ADAMTSL1: variants seen among roughly 807,000 people sequenced by gnomAD.
ADAMTSL1 encodes the protein ADAMTS like 1.
Under a neutral mutation model 201.8 loss-of-function variants are expected in ADAMTSL1, and 126 were observed. The observed-to-expected ratio is 0.62, with a 90% CI of 0.54 to 0.72. The LOEUF is 0.72. Among genes scored for constraint, ADAMTSL1 ranks in the 30% least tolerant of loss-of-function variants. ADAMTSL1 has a pLI of 0.00. For synonymous variants in ADAMTSL1, 1,121 were observed against 903.4 expected, an observed-to-expected ratio of 1.24 and a Z score of -4.32; for missense variants, 2,679 against 2,277.8, an observed-to-expected ratio of 1.18 and a Z score of -3.59.
chr9:18,843,143 A>T (rs1317952664), intron 23 of ADAMTSL1, among the ~76,000 whole-genome samples: 1 of 150,710 alleles, frequency 6.6e-6, no homozygotes, highest in Non-Finnish European at 1.5e-5. Flanking sequence ...TGGTCTTTAC[A>T]ATTTGGCATG....
intron 2 of ADAMTSL1, among the ~76,000 whole-genome samples, chr9:18,351,206 G>C (rs1835948924): frequency 6.6e-6 from 1 of 150,920 alleles, no homozygotes. Flanking sequence ...TTTAAAGCAG[G>C]TCAGGTTCCT....
At chr9:18,301,464 A>G (rs137994192) in intron 2 of ADAMTSL1, among the ~76,000 whole-genome samples, 9 of 152,262 alleles carry the variant, frequency 5.9e-5, no homozygotes, top group Admixed American at 3.9e-4. Flanking sequence ...TTTATATACT[A>G]TATGTTTTCC....
At chr9:17,980,618 T>G (rs1818650821) in intron 1 of ADAMTSL1, among the ~76,000 whole-genome samples, 2 of 151,906 alleles carry the variant, frequency 1.3e-5, no homozygotes, top group South Asian at 4.2e-4. Context: ...GAGGTGGGGT[T>G]TTTGGGGGGC....
chr9:17,964,470 G>A (rs1817893693), intron 1 of ADAMTSL1, among the ~76,000 whole-genome samples: 1 of 152,100 alleles, frequency 6.6e-6, no homozygotes, highest in Admixed American at 6.6e-5. Context: ...GTCAGGAGGG[G>A]GCAACGCAAG....
intron 8 of ADAMTSL1, among the ~76,000 whole-genome samples, chr9:18,658,394 A>G (rs998935708): frequency 5.3e-5 from 8 of 152,206 alleles, no homozygotes; most frequent in African/African-American, 1.9e-4. Flanking sequence ...TAAACTACTC[A>G]TGTGGTTGAA....
At chr9:18,618,338 G>A (rs566082247) in intron 4 of ADAMTSL1, among the ~76,000 whole-genome samples, 25 of 152,150 alleles carry the variant, frequency 1.6e-4, no homozygotes, top group South Asian at 8.3e-4. Context: ...GAAACTATTA[G>A]CAAACCATTA....
chr9:18,287,359 A>ATATATACACATACATG (rs1563859546), intron 2 of ADAMTSL1, among the ~76,000 whole-genome samples: 9 of 151,956 alleles, frequency 5.9e-5, no homozygotes, highest in African/African-American at 2.2e-4. Context: ...ACACATACAT[A>ATATATACACATACATG]CATATACACA....
intron 2 of ADAMTSL1, among the ~76,000 whole-genome samples, chr9:18,409,939 T>C (rs904646087): frequency 3.3e-5 from 5 of 151,472 alleles, no homozygotes; most frequent in African/African-American, 1.2e-4. Flanking sequence ...CTCTTCAAAC[T>C]ATACAGCTAG....
Position 18,777,836 on chromosome 9 carries a change from G to A in ADAMTSL1, c.3607G>A (p.Glu1203Lys). ...GACACTGAGTGTTCTTCTGCACTGT[G>A]AGGCCATCGGCCACCCAAGGCCTAC... ...SGTLSVLLHC[E>K]AIGHPRPTIS... Residue 1203 changes from glutamate (E) to lysine (K), a missense_variant, in exon 19 of 29, where the codon GAG (glutamate) becomes AAG (lysine). Glu to Lys is a moderately conservative substitution (Grantham distance 56). Transcript: ENST00000380548. 1 of 1,605,742 alleles carries A rather than the reference G, an allele frequency of 6.2e-7. No individual in the cohort carries two copies. The highest frequency in any genetic ancestry group is 8.5e-7 in the Non-Finnish European group (1 of 1,173,858).
At chr9:18,632,915 C>G (rs1271986419) in intron 5 of ADAMTSL1, among the ~76,000 whole-genome samples, 1 of 152,182 alleles carries the variant, frequency 6.6e-6, no homozygotes, top group Non-Finnish European at 1.5e-5. Flanking sequence ...TCCATATACC[C>G]TCTTCCTCAA....
chr9:17,941,590 C>G (rs891431297), intron 1 of ADAMTSL1, among the ~76,000 whole-genome samples: 2 of 152,208 alleles, frequency 1.3e-5, no homozygotes, highest in East Asian at 1.9e-4. Context: ...GTCCTACTAT[C>G]AAATGTCTGT....
intron 4 of ADAMTSL1, among the ~76,000 whole-genome samples, chr9:18,589,934 G>T (rs1215249066): frequency 1.3e-5 from 2 of 152,076 alleles, no homozygotes; most frequent in African/African-American, 4.8e-5. Flanking sequence ...CATGGTGAAT[G>T]GTCTTTTTAA....
intron 1 of ADAMTSL1, among the ~76,000 whole-genome samples, chr9:18,099,270 T>C (rs1388747032): frequency 5.5e-5 from 8 of 145,368 alleles, no homozygotes; most frequent in African/African-American, 2.0e-4. Flanking sequence ...CTGATTAGAA[T>C]CTCATTTTCT....
At chr9:18,834,118 C>G (rs767730837) in intron 23 of ADAMTSL1, among the ~76,000 whole-genome samples, 1 of 152,024 alleles carries the variant, frequency 6.6e-6, no homozygotes. Flanking sequence ...AGTTGGGTAG[C>G]GTGATGCCTC....
At chr9:18,408,293 A>C (rs1248611570) in intron 2 of ADAMTSL1, among the ~76,000 whole-genome samples, 3 of 152,116 alleles carry the variant, frequency 2.0e-5, no homozygotes, top group African/African-American at 7.2e-5. Context: ...ACATGGTGAA[A>C]CACTGTCTCT....
intron 2 of ADAMTSL1, among the ~76,000 whole-genome samples, chr9:18,272,209 C>T (rs1426652664): frequency 6.6e-6 from 1 of 152,110 alleles, no homozygotes; most frequent in Non-Finnish European, 1.5e-5. Flanking sequence ...TCAAGCTATA[C>T]TACAAGGCTA....
chr9:18,269,073 T>G (rs906735240), intron 2 of ADAMTSL1, among the ~76,000 whole-genome samples: 9 of 152,092 alleles, frequency 5.9e-5, no homozygotes, highest in Non-Finnish European at 1.3e-4. Context: ...TAGTATAAAA[T>G]AAGAAGAAAA....
intron 2 of ADAMTSL1, among the ~76,000 whole-genome samples, chr9:18,322,944 G>T (rs1427573691): frequency 6.6e-6 from 1 of 152,146 alleles, no homozygotes; most frequent in Non-Finnish European, 1.5e-5. Context: ...GTTTAGACTA[G>T]TGAGTTCTAT....
intron 22 of ADAMTSL1, among the ~76,000 whole-genome samples, chr9:18,827,291 G>C (rs1824637679): frequency 6.6e-6 from 1 of 151,960 alleles, no homozygotes; most frequent in South Asian, 2.1e-4. Flanking sequence ...AAAGATGTAA[G>C]AAATAATAAT....
Sources: allele counts gnomAD v4.1 joint callset (sites outside exome capture counted in the v4.1 genomes callset), GRCh38; gene constraint gnomAD v4.1.1; transcripts MANE v1.5; gene names NCBI Gene and HGNC (gene_info 2026-07-23, HGNC 2026-07-21).